DHRS7B: variants seen among roughly 807,000 people sequenced by gnomAD.
The protein encoded by DHRS7B is peroxisomal reductase activating PPAR-gamma.
Under a neutral mutation model 26.4 loss-of-function variants are expected in DHRS7B, and 24 were observed. The observed-to-expected ratio is 0.91, with a 90% CI of 0.66 to 1.28. The LOEUF is 1.28. Ranked by LOEUF, DHRS7B falls within the 50% of genes most tolerant of loss-of-function variation. DHRS7B has a pLI of 0.00. For synonymous variants in DHRS7B, 142 were observed against 166.4 expected (o/e 0.85, Z 1.13); for missense variants, 368 against 419.4 (o/e 0.88, Z 1.07).
At chr17:21,144,774 C>T (rs1480470036) in intron 1 of DHRS7B, among the ~76,000 whole-genome samples, 3 of 152,096 alleles carry the variant, frequency 2.0e-5, no homozygotes, top group Non-Finnish European at 2.9e-5. Flanking sequence ...TCCCAGATCA[C>T]GCCACTGCCC....
At chr17:21,141,618 G>GTAAA (rs1973511151) in intron 1 of DHRS7B, among the ~76,000 whole-genome samples, 1 of 2,250 alleles carries the variant, frequency 4.4e-4, no homozygotes, top group Non-Finnish European at 1.2e-3. Context: ...CAGCAAGAAA[G>GTAAA]CAAAAAAAAA....
In DHRS7B at chr17:21,146,138, A is replaced by T. The variant is rs77047312; in HGVS notation, c.20+19147A>T. Among the ~76,000 whole-genome samples, 612 of 152,326 alleles carry T rather than the reference A, an allele frequency of 4.0e-3. 6 individuals carry two copies. Among genetic ancestry groups the T allele is most frequent in the African/African-American group, 0.014 (595 of 41,576 alleles). ...TACATATAAGCCTGGGCACTGTAGC[A>T]TAGTACATGTTTGTAATCCCAGCAC... On this transcript the variant is annotated intron_variant, in intron 1 of 6. Coordinates refer to ENST00000395511, the MANE Select transcript of DHRS7B (RefSeq NM_015510.5).
chr17:21,163,205 C>CA lies in DHRS7B; in HGVS notation c.21-8805dup, dbSNP rs1271052350. Reference sequence around the variant, plus strand: ...AGCAAGACTGTCTCAAAAAAAAAACCAAAAAAAACCAAAAAACAAAAAACA... The same window carrying CA: ...AGCAAGACTGTCTCAAAAAAAAAACCAAAAAAAAACCAAAAAACAAAAAACA... On this transcript the variant is annotated intron_variant, in intron 1 of 6. Coordinates refer to ENST00000395511, the MANE Select transcript of DHRS7B (RefSeq NM_015510.5). Among the ~76,000 whole-genome samples, 62 of 143,708 alleles carry CA rather than the reference C, an allele frequency of 4.3e-4. No homozygotes were observed. In the South Asian group the frequency reaches 7.8e-3, roughly 18 times the overall value. 94.3% of individuals were successfully genotyped at this position (143,708 alleles called of 152,430 possible).
chr17:21,184,346 C>T, intron 4 of DHRS7B, 25 bp from the exon 5 acceptor site: 1 of 1,599,638 alleles, frequency 6.3e-7, no homozygotes, highest in African/African-American at 1.3e-5. Context: ...AGGGCGCTTG[C>T]CTAAGCCTCT....
chr17:21,156,887 G>C (rs1973893769), intron 1 of DHRS7B, among the ~76,000 whole-genome samples: 1 of 146,732 alleles, frequency 6.8e-6, no homozygotes, highest in Non-Finnish European at 1.5e-5. Context: ...CACCAGCTAG[G>C]GTGACAAAAA....
intron 1 of DHRS7B, among the ~76,000 whole-genome samples, chr17:21,149,063 G>A (rs1973703638): frequency 6.6e-6 from 1 of 151,982 alleles, no homozygotes; most frequent in African/African-American, 2.4e-5. Context: ...CCTAAGAGCA[G>A]CAAGAAAAAA....
chr17:21,137,036 T>A (rs1973359666), intron 1 of DHRS7B, among the ~76,000 whole-genome samples: 1 of 150,478 alleles, frequency 6.6e-6, no homozygotes, highest in South Asian at 2.1e-4. Context: ...GGTGGTGTAA[T>A]CTCAGCTCAC....
chr17:21,182,773 A>G (rs552088060), intron 3 of DHRS7B, among the ~76,000 whole-genome samples: 83 of 152,304 alleles, frequency 5.4e-4, no homozygotes, highest in Admixed American at 9.1e-4. Flanking sequence ...TCCTTTTAAT[A>G]CGCTGTTAAA....
At chr17:21,128,868 C>A (rs1470587491) in intron 1 of DHRS7B, 11 of 127,654 alleles carry the variant, frequency 8.6e-5, no homozygotes, top group Non-Finnish European at 1.6e-4. Flanking sequence ...GAGGAGACTC[C>A]GTCTTAAAAA....
chr17:21,157,728 G>T (rs943617253), intron 1 of DHRS7B, among the ~76,000 whole-genome samples: 32 of 151,958 alleles, frequency 2.1e-4, no homozygotes, highest in Admixed American at 1.4e-3. Context: ...CTGGCTGGAG[G>T]TGGTGGCTCA....
At chr17:21,175,103 G>A (rs1032087117) in intron 2 of DHRS7B, among the ~76,000 whole-genome samples, 1 of 152,192 alleles carries the variant, frequency 6.6e-6, no homozygotes, top group Non-Finnish European at 1.5e-5. Context: ...AAGACTGTCG[G>A]GTGTATGGAG....
chr17:21,141,640 A>AAAAACAAAAAAAAG, intron 1 of DHRS7B, among the ~76,000 whole-genome samples: 3 of 90,078 alleles, frequency 3.3e-5, no homozygotes, highest in South Asian at 4.2e-4. Context: ...AAAAAAAAAA[A>AAAAACAAAAAAAAG]CAACCTCATC....
chr17:21,179,112 AT>A (rs915500001), intron 3 of DHRS7B, among the ~76,000 whole-genome samples: 46 of 149,566 alleles, frequency 3.1e-4, no homozygotes, highest in South Asian at 1.7e-3. Flanking sequence ...ACCCAGCTAA[AT>A]TTTTTTTTTT....
intron 5 of DHRS7B, among the ~76,000 whole-genome samples, chr17:21,187,412 T>C (rs1974663357): frequency 6.6e-6 from 1 of 151,278 alleles, no homozygotes; most frequent in South Asian, 2.1e-4. Flanking sequence ...CATCACGAGG[T>C]CAGTAGATCC....
chr17:21,167,004 C>T (rs1974128591), intron 1 of DHRS7B, among the ~76,000 whole-genome samples: 1 of 151,202 alleles, frequency 6.6e-6, no homozygotes, highest in African/African-American at 2.4e-5. Flanking sequence ...TTTTTGTTAA[C>T]AGTTCTTTAA....
intron 1 of DHRS7B, among the ~76,000 whole-genome samples, chr17:21,160,620 G>A (rs1309753940): frequency 6.6e-6 from 1 of 152,166 alleles, no homozygotes; most frequent in African/African-American, 2.4e-5. Context: ...TTCATTCCTA[G>A]TGGGAATGCA....
chr17:21,130,943 C>T (rs1973216818), intron 1 of DHRS7B, among the ~76,000 whole-genome samples: 1 of 152,112 alleles, frequency 6.6e-6, no homozygotes, highest in Non-Finnish European at 1.5e-5. Context: ...TGCCACCCAC[C>T]CAGATAGGAA....
chr17:21,172,630 C>G (rs550835009), intron 2 of DHRS7B, among the ~76,000 whole-genome samples: 1 of 152,326 alleles, frequency 6.6e-6, no homozygotes, highest in African/African-American at 2.4e-5. Flanking sequence ...CAGCCGGGGC[C>G]TCTGGTTCAC....
At chr17:21,150,113 A>ACAAAAC (rs1567619722) in intron 1 of DHRS7B, among the ~76,000 whole-genome samples, 1 of 66,402 alleles carries the variant, frequency 1.5e-5, no homozygotes, top group Non-Finnish European at 3.8e-5. Flanking sequence ...TTTAAAAAAA[A>ACAAAAC]AAAAAAAAAA....
Sources: allele counts gnomAD v4.1 joint callset (sites outside exome capture counted in the v4.1 genomes callset), GRCh38; gene constraint gnomAD v4.1.1; transcripts MANE v1.5; gene names NCBI Gene and HGNC (gene_info 2026-07-23, HGNC 2026-07-21).